ABHD17C: variants seen among roughly 807,000 people sequenced by gnomAD.
ABHD17C encodes abhydrolase domain containing 17C, depalmitoylase.
A neutral mutation model predicts 27.9 loss-of-function variants in ABHD17C; 11 were observed. The observed-to-expected ratio is 0.39, with a 90% CI of 0.25 to 0.65. ABHD17C has a LOEUF of 0.65. Ranked by LOEUF, ABHD17C falls within the 30% of genes least tolerant of loss-of-function variation. The pLI, the probability that ABHD17C is intolerant of heterozygous loss-of-function variation, is 0.45. For synonymous variants in ABHD17C, 233 were observed against 209.1 expected, an observed-to-expected ratio of 1.11 and a Z score of -0.98; for missense variants, 280 against 470.2, an observed-to-expected ratio of 0.60 and a Z score of 3.74.
chr15:80,731,498 A>T (rs1432527534), intron 1 of ABHD17C, among the ~76,000 whole-genome samples: 1 of 152,224 alleles, frequency 6.6e-6, no homozygotes, highest in Non-Finnish European at 1.5e-5. Flanking sequence ...AAGAGTTCTT[A>T]CAAGATCCCA....
chr15:80,708,451 G>A (rs1202559094), intron 1 of ABHD17C, among the ~76,000 whole-genome samples: 1 of 152,194 alleles, frequency 6.6e-6, no homozygotes, highest in Non-Finnish European at 1.5e-5. Context: ...AAATAGCTGG[G>A]ATCACAGGCA....
chr15:80,732,266 G>C lies in ABHD17C; in HGVS notation c.591-17247G>C, dbSNP rs1325815683. ...TGGTGGAATTCAGACAGTTGTGCCTGATGCAGAAGCTGTGCAGACTACCTC... is the reference window on the plus strand; with the variant it reads ...TGGTGGAATTCAGACAGTTGTGCCTCATGCAGAAGCTGTGCAGACTACCTC... On this transcript the variant is annotated intron_variant, in intron 1 of 2. Coordinates refer to ENST00000258884, the MANE Select transcript of ABHD17C (RefSeq NM_021214.2). Among the ~76,000 whole-genome samples the C allele has an allele frequency of 3.9e-5, 6 of 152,326 alleles. No homozygotes were observed. In the East Asian group the frequency reaches 1.2e-3, roughly 29 times the overall value.
At chr15:80,700,894 C>G (rs549191034) in intron 1 of ABHD17C, among the ~76,000 whole-genome samples, 225 of 152,046 alleles carry the variant, frequency 1.5e-3, no homozygotes, top group African/African-American at 4.9e-3. Context: ...GAGTGAGATC[C>G]TGTCTCAAAA....
chr15:80,744,275 A>G (rs62008997), intron 1 of ABHD17C, among the ~76,000 whole-genome samples: 11,666 of 152,248 alleles, frequency 0.077, 599 homozygotes, highest in Non-Finnish European at 0.11. Context: ...TGAAAAATAA[A>G]TACATAATAA....
chr15:80,708,742 A>G (rs1354032398), intron 1 of ABHD17C, among the ~76,000 whole-genome samples: 14 of 152,190 alleles, frequency 9.2e-5, no homozygotes, highest in Admixed American at 9.2e-4. Flanking sequence ...CTCATCGGAT[A>G]TTGGTTGAGT....
intron 1 of ABHD17C, among the ~76,000 whole-genome samples, chr15:80,743,339 C>T (rs1317396942): frequency 6.6e-6 from 1 of 152,094 alleles, no homozygotes; most frequent in Non-Finnish European, 1.5e-5. Context: ...CGCACTCACC[C>T]ACTACCGGCT....
chr15:80,743,720 C>T (rs535685611), intron 1 of ABHD17C, among the ~76,000 whole-genome samples: 2 of 152,136 alleles, frequency 1.3e-5, no homozygotes, highest in South Asian at 2.1e-4. Flanking sequence ...GTAGCAGGGA[C>T]GCTACTAGGC....
At chr15:80,706,785 T>A (rs993903789) in intron 1 of ABHD17C, among the ~76,000 whole-genome samples, 1 of 152,224 alleles carries the variant, frequency 6.6e-6, no homozygotes, top group Non-Finnish European at 1.5e-5. Context: ...TGTCTGCTGA[T>A]CTCACTTAAA....
chr15:80,730,119 A>G (rs912866791), intron 1 of ABHD17C, among the ~76,000 whole-genome samples: 1 of 151,214 alleles, frequency 6.6e-6, no homozygotes, highest in Non-Finnish European at 1.5e-5. Flanking sequence ...AAAAAAAAAA[A>G]GCTGGGACAA....
chr15:80,724,226 C>T (rs1400931009), intron 1 of ABHD17C, among the ~76,000 whole-genome samples: 1 of 151,840 alleles, frequency 6.6e-6, no homozygotes, highest in Admixed American at 6.6e-5. Flanking sequence ...CCTTTAATCC[C>T]AGAAGGTGGG....
At chr15:80,717,351 C>G (rs955446160) in intron 1 of ABHD17C, among the ~76,000 whole-genome samples, 1 of 149,540 alleles carries the variant, frequency 6.7e-6, no homozygotes, top group East Asian at 1.9e-4. Flanking sequence ...TTAATTTGAG[C>G]ACTTTCATTT....
chr15:80,717,336 T>G (rs1286754597), intron 1 of ABHD17C, among the ~76,000 whole-genome samples: 1 of 151,622 alleles, frequency 6.6e-6, no homozygotes, highest in African/African-American at 2.4e-5. Flanking sequence ...GTCTTGGGCT[T>G]ATTATTAATT....
At chr15:80,708,763 G>T (rs1388640206) in intron 1 of ABHD17C, among the ~76,000 whole-genome samples, 3 of 152,214 alleles carry the variant, frequency 2.0e-5, no homozygotes, top group Non-Finnish European at 2.9e-5. Context: ...AAATAAACAG[G>T]TAAGTTGGTA....
At chr15:80,705,266 A>G (rs1315447184) in intron 1 of ABHD17C, among the ~76,000 whole-genome samples, 29 of 150,856 alleles carry the variant, frequency 1.9e-4, no homozygotes, top group Admixed American at 1.5e-3. Context: ...TCAGAGTCAC[A>G]TGGGCAAGGT....
Position 80,695,571 on chromosome 15 carries a change from G to A in ABHD17C, c.142G>A (p.Glu48Lys). ...PEPTYTVLAP[E>K]QRGAGASAPA... ...GCCCACCTACACGGTGCTGGCGCCG[G>A]AGCAGCGCGGCGCCGGCGCGTCCGC... The change falls in exon 1 of 3, where the codon GAG (glutamate) becomes AAG (lysine). Residue 48 changes from glutamate (E) to lysine (K), a missense_variant. Physicochemically the swap from Glu to Lys is moderately conservative, Grantham distance 56. Transcript: ENST00000258884. The surrounding 1 kb of genome is among the most constrained non-coding windows in gnomAD (Gnocchi z 4.3). 1 of 1,190,838 alleles carries A rather than the reference G, an allele frequency of 8.4e-7. No homozygotes were observed. The highest frequency in any genetic ancestry group is 1.1e-6 in the Non-Finnish European group (1 of 950,702). The allele number at this position is 1,190,838 out of a possible 1,614,324, so 73.8% of individuals were successfully genotyped here.
At chr15:80,719,332 G>T (rs967310049) in intron 1 of ABHD17C, among the ~76,000 whole-genome samples, 2 of 152,084 alleles carry the variant, frequency 1.3e-5, no homozygotes, top group African/African-American at 2.4e-5. Context: ...GTTATTTTTG[G>T]TTCTTCATTG....
At chr15:80,746,421 A>G (rs1895285175) in intron 1 of ABHD17C, among the ~76,000 whole-genome samples, 1 of 151,616 alleles carries the variant, frequency 6.6e-6, no homozygotes, top group African/African-American at 2.4e-5. Context: ...CTTGATTTTA[A>G]TGTAATACTT....
At chr15:80,705,581 A>T (rs1894637040) in intron 1 of ABHD17C, among the ~76,000 whole-genome samples, 1 of 152,308 alleles carries the variant, frequency 6.6e-6, no homozygotes, top group East Asian at 1.9e-4. Context: ...TAACATTTTT[A>T]GAGCTATAAT....
intron 1 of ABHD17C, among the ~76,000 whole-genome samples, chr15:80,698,226 G>A (rs1385114631): frequency 6.6e-6 from 1 of 151,832 alleles, no homozygotes; most frequent in Non-Finnish European, 1.5e-5. Context: ...CACCGCGTCC[G>A]GCTAATTTTT....
Sources: allele counts gnomAD v4.1 joint callset (sites outside exome capture counted in the v4.1 genomes callset), GRCh38; gene constraint gnomAD v4.1.1; non-coding constraint Gnocchi (gnomAD v3.1); transcripts MANE v1.5; gene names NCBI Gene and HGNC (gene_info 2026-07-23, HGNC 2026-07-21).